ANKRD55: variants seen among roughly 807,000 people sequenced by gnomAD.
ANKRD55 encodes ankyrin repeat domain 55, also known as ankyrin repeat domain-containing protein 55.
ANKRD55 carries 41 observed loss-of-function variants against 60.6 expected under a neutral mutation model. The ratio of observed to expected loss-of-function variants is 0.68; its 90% confidence interval spans 0.53 to 0.88. The LOEUF (loss-of-function observed/expected upper bound fraction) is 0.88. Among genes scored for constraint, ANKRD55 ranks in the 40% least tolerant of loss-of-function variants. ANKRD55 has a pLI of 0.00. For synonymous variants in ANKRD55, 264 were observed against 290.3 expected (o/e 0.91, Z 0.92); for missense variants, 732 against 767.6 (o/e 0.95, Z 0.55).
In ANKRD55 at chr5:56,176,258, A is replaced by T; in HGVS notation, c.206T>A (p.Val69Asp). ...SEGCTPLMHA[V>D]SGRQADTVKL... is the part of the protein sequence containing the mutation. Reference sequence around the variant, plus strand: ...CACTGTGTCCGCTTGACGTCCAGAAACCGCATGCATCAAGGGCGTGCATCC... The same window carrying T: ...CACTGTGTCCGCTTGACGTCCAGAATCCGCATGCATCAAGGGCGTGCATCC... Residue 69 changes from valine to aspartate, a missense_variant, in exon 4 of 12, where the codon GTT becomes GAT. By Grantham distance (152) the Val-to-Asp change is radical (BLOSUM62 -3). Transcript: ENST00000341048. 6.2e-7 allele frequency: 1 copy of T among 1,614,168 alleles called. No homozygotes were observed. Among genetic ancestry groups the T allele is most frequent in the South Asian group, 1.1e-5 (1 of 91,076 alleles).
At chr5:56,100,620 A>G (rs1756242832) in intron 11 of ANKRD55, among the ~76,000 whole-genome samples, 1 of 152,192 alleles carries the variant, frequency 6.6e-6, no homozygotes. Context: ...AACTGCTCAC[A>G]AGGTTCTAAA....
chr5:56,212,615 T>C (rs1470346147), intron 2 of ANKRD55, among the ~76,000 whole-genome samples: 1 of 152,248 alleles, frequency 6.6e-6, no homozygotes, highest in East Asian at 1.9e-4. Context: ...CTTTATGAAG[T>C]AGGTAGTATT....
At chr5:56,110,901 G>C (rs965354756) in intron 10 of ANKRD55, 5 of 587,924 alleles carry the variant, frequency 8.5e-6, no homozygotes, top group Non-Finnish European at 1.5e-5. Flanking sequence ...GCACATATTT[G>C]TACTTGATGA....
At chr5:56,144,258 G>T (rs1757844607) in intron 6 of ANKRD55, among the ~76,000 whole-genome samples, 1 of 152,310 alleles carries the variant, frequency 6.6e-6, no homozygotes, top group Admixed American at 6.5e-5. Context: ...ATACTATGAA[G>T]AATGCACGTA....
intron 2 of ANKRD55, among the ~76,000 whole-genome samples, chr5:56,198,068 T>C (rs1759266741): frequency 6.6e-6 from 1 of 152,212 alleles, no homozygotes; most frequent in South Asian, 2.1e-4. Flanking sequence ...TTATTACTAA[T>C]TCCCATTTTC....
intron 6 of ANKRD55, among the ~76,000 whole-genome samples, chr5:56,151,831 A>ATG (rs1463726357): frequency 5.3e-4 from 79 of 147,788 alleles, no homozygotes; most frequent in African/African-American, 1.8e-3. Context: ...AAAAATCTAT[A>ATG]TATATATATG....
chr5:56,124,563 AG>A (rs1446936835), intron 8 of ANKRD55, among the ~76,000 whole-genome samples: 4 of 152,034 alleles, frequency 2.6e-5, no homozygotes, highest in Non-Finnish European at 4.4e-5. Flanking sequence ...GCTGGAGTGC[AG>A]TGGCACAATC....
intron 2 of ANKRD55, among the ~76,000 whole-genome samples, chr5:56,197,807 T>G (rs1191178938): frequency 6.6e-6 from 1 of 152,208 alleles, no homozygotes; most frequent in Non-Finnish European, 1.5e-5. Flanking sequence ...ATTATTTGAA[T>G]ATGGAATTGG....
intron 5 of ANKRD55, among the ~76,000 whole-genome samples, chr5:56,169,956 G>A (rs187464462): frequency 3.3e-5 from 5 of 152,314 alleles, no homozygotes; most frequent in African/African-American, 1.2e-4. Context: ...AGACACAGAG[G>A]AATGGAGAAG....
At chr5:56,183,810 C>A (rs1214535746) in intron 2 of ANKRD55, among the ~76,000 whole-genome samples, 176 bp from the exon 3 acceptor site, 2 of 152,170 alleles carry the variant, frequency 1.3e-5, no homozygotes, top group East Asian at 3.9e-4. Flanking sequence ...AAAGGTGGAT[C>A]ACTCATGCCA....
chr5:56,182,471 T>C (rs1045379094), intron 3 of ANKRD55, among the ~76,000 whole-genome samples: 8 of 152,230 alleles, frequency 5.3e-5, no homozygotes, highest in Non-Finnish European at 1.2e-4. Context: ...GCTGAGACTT[T>C]CTATTTTTTT....
Position 56,176,122 on chromosome 5 carries a change from T to A in ANKRD55, c.312+30A>T. 1.9e-6 allele frequency: 3 copies of A among 1,613,890 alleles called. No homozygotes were observed. The South Asian group carries it at 3.3e-5, about 18-fold the overall frequency. On this transcript the variant is annotated intron_variant, in intron 4 of 11. Transcript: ENST00000341048. Reference sequence around the variant, plus strand: ...TGACACCCTTCGCCTACCCTGCTCCTTCCACCCTGTGACAGGCACAAGTCA... The same window carrying A: ...TGACACCCTTCGCCTACCCTGCTCCATCCACCCTGTGACAGGCACAAGTCA...
chr5:56,135,298 T>G (rs200229516), intron 7 of ANKRD55, among the ~76,000 whole-genome samples: 14,321 of 30,462 alleles, frequency 0.47, 1,528 homozygotes, highest in African/African-American at 0.54. Flanking sequence ...CTGCTTGCTT[T>G]CTTTCTTTCT....
chr5:56,135,343 CT>C (rs776528396), intron 7 of ANKRD55, among the ~76,000 whole-genome samples: 15 of 22,632 alleles, frequency 6.6e-4, no homozygotes, highest in African/African-American at 3.2e-3. Flanking sequence ...TTCTTTCTTT[CT>C]TTCTTTCTTT....
chr5:56,134,678 C>T (rs421256), intron 7 of ANKRD55, among the ~76,000 whole-genome samples: 38,259 of 151,732 alleles, frequency 0.25, 6,031 homozygotes, highest in Middle Eastern at 0.38. Context: ...TTTTACCAAA[C>T]ATTCAAGAAA....
intron 9 of ANKRD55, among the ~76,000 whole-genome samples, chr5:56,116,351 G>A (rs1404287708): frequency 6.6e-6 from 1 of 152,136 alleles, no homozygotes; most frequent in Non-Finnish European, 1.5e-5. Flanking sequence ...AAGGAAAGAA[G>A]AGATTCAAGT....
In ANKRD55 at chr5:56,219,421, T is replaced by C. The variant is rs189854726; in HGVS notation, c.58+13435A>G. Among the ~76,000 whole-genome samples the C allele has an allele frequency of 3.5e-4, 54 of 152,308 alleles. 1 individual carries two copies. The East Asian group carries it at 8.7e-3, about 24-fold the overall frequency. ...GACTTCCCTTCTCTTCCTCCCTCAA[T>C]ATACCTGATAAAATAAGAATAGGCT... On this transcript the variant is annotated intron_variant, in intron 2 of 11. Transcript: ENST00000341048.
rs142348821 is a variant in ANKRD55 at position 56,120,131 on chromosome 5, G to T, written c.798-3349C>A. ...AGCTCACTGAAACCTCCGACTCCCT[G>T]GTTCAAGCTATTCTCCTGCCTCAGC... On this transcript the variant is annotated intron_variant, in intron 8 of 11. Transcript: ENST00000341048. 8.6e-4 allele frequency among the ~76,000 whole-genome samples: 130 copies of T among 151,634 alleles called. 1 individual carries two copies. Among genetic ancestry groups the T allele is most frequent in the African/African-American group, 3.1e-3 (129 of 41,362 alleles).
At chr5:56,153,792 G>A (rs536016534) in intron 6 of ANKRD55, among the ~76,000 whole-genome samples, 8 of 151,394 alleles carry the variant, frequency 5.3e-5, no homozygotes, top group South Asian at 4.2e-4. Context: ...AGCCGAGATC[G>A]CACCATTGTA....
Sources: gnomAD v4.1 joint callset for allele counts (sites outside exome capture counted in the v4.1 genomes callset) on GRCh38, gnomAD v4.1.1 for gene constraint, MANE v1.5 for transcripts, NCBI Gene and HGNC (gene_info 2026-07-23, HGNC 2026-07-21) for gene names.